WWOX: variants seen among roughly 807,000 people sequenced by gnomAD.
WWOX encodes WW domain-containing oxidoreductase.
A neutral mutation model predicts 46.2 loss-of-function variants in WWOX; 69 were observed. The observed-to-expected ratio is 1.49, with a 90% CI of 1.23 to 1.82. WWOX has a LOEUF of 1.82. WWOX is among the 40% of genes most tolerant of loss of function. The pLI, the probability that WWOX is intolerant of heterozygous loss-of-function variation, is 0.00. For synonymous variants in WWOX, 359 were observed against 202.6 expected, an observed-to-expected ratio of 1.77 and a Z score of -6.56; for missense variants, 919 against 542.6, an observed-to-expected ratio of 1.69 and a Z score of -6.89.
At chr16:78,312,202 C>T (rs1004341330) in intron 5 of WWOX, among the ~76,000 whole-genome samples, 2 of 152,102 alleles carry the variant, frequency 1.3e-5, no homozygotes, top group African/African-American at 4.8e-5. Context: ...CTAATTCTAT[C>T]TGCAACCTTA....
chr16:79,176,207 A>G (rs1158689072), intron 8 of WWOX, among the ~76,000 whole-genome samples: 1 of 152,204 alleles, frequency 6.6e-6, no homozygotes, highest in Non-Finnish European at 1.5e-5. Flanking sequence ...GATTTCTAAC[A>G]CAGAAAGCAA....
chr16:78,216,401 G>A (rs1294209760), intron 5 of WWOX, among the ~76,000 whole-genome samples: 1 of 152,170 alleles, frequency 6.6e-6, no homozygotes, highest in Non-Finnish European at 1.5e-5. Flanking sequence ...TATCACCAGT[G>A]TAGCACCTAA....
chr16:78,937,250 G>A (rs964875379), intron 8 of WWOX, among the ~76,000 whole-genome samples: 4 of 152,054 alleles, frequency 2.6e-5, no homozygotes, highest in African/African-American at 9.7e-5. Context: ...AAATTTACCT[G>A]AAAGTGACCC....
At position 78,803,307 on chromosome 16, in the gene WWOX, GTATT is replaced by G. The variant is rs1303581834; in HGVS notation, c.1056+370561_1056+370564del. 3.3e-5 allele frequency among the ~76,000 whole-genome samples: 5 copies of G among 151,964 alleles called. No homozygotes were observed. In the East Asian group the frequency reaches 7.8e-4, roughly 24 times the overall value. ...TGTGTTATTGTAGTGGCTTCGCAGA[GTATT>G]TATTTGGCCAGAAAGTCTATAGTCA... On this transcript the variant is annotated intron_variant, in intron 8 of 8. Coordinates refer to ENST00000566780, the MANE Select transcript of WWOX (RefSeq NM_016373.4).
intron 8 of WWOX, among the ~76,000 whole-genome samples, chr16:78,707,774 T>C (rs1360195754): frequency 6.6e-6 from 1 of 151,498 alleles, no homozygotes. Flanking sequence ...TCCCAGCTAG[T>C]TGGGAGGCTG....
chr16:78,910,864 A>T (rs2045091832), intron 8 of WWOX, among the ~76,000 whole-genome samples: 1 of 152,024 alleles, frequency 6.6e-6, no homozygotes, highest in African/African-American at 2.4e-5. Flanking sequence ...ATTCAAGATG[A>T]GATTTGGGTG....
At chr16:78,129,824 G>A (rs1390837742) in intron 4 of WWOX, among the ~76,000 whole-genome samples, 1 of 151,680 alleles carries the variant, frequency 6.6e-6, no homozygotes, top group Admixed American at 6.6e-5. Flanking sequence ...AAATGTTTAT[G>A]TCTTCCCCAA....
chr16:78,415,789 C>T (rs974229819), intron 6 of WWOX, among the ~76,000 whole-genome samples: 1 of 152,070 alleles, frequency 6.6e-6, no homozygotes. Context: ...GAATCTTGGC[C>T]CATTGTCACT....
intron 8 of WWOX, among the ~76,000 whole-genome samples, chr16:78,830,066 T>G (rs2051773678): frequency 6.6e-6 from 1 of 151,902 alleles, no homozygotes; most frequent in Non-Finnish European, 1.5e-5. Context: ...AAGACCAGCC[T>G]GGGTAACATA....
chr16:78,625,179 C>T (rs904248222), intron 8 of WWOX, among the ~76,000 whole-genome samples: 5 of 152,208 alleles, frequency 3.3e-5, no homozygotes, highest in Non-Finnish European at 5.9e-5. Context: ...GATCCTTTGA[C>T]AACTCAGCTT....
chr16:78,369,631 A>G (rs891672172), intron 5 of WWOX, among the ~76,000 whole-genome samples: 1 of 151,884 alleles, frequency 6.6e-6, no homozygotes, highest in Non-Finnish European at 1.5e-5. Context: ...AAACATTTTC[A>G]TTACATACTG....
Position 78,262,109 on chromosome 16 carries a change from A to AT in WWOX, c.516+97820_516+97821insT, listed in dbSNP as rs1223585349. Among the ~76,000 whole-genome samples, 39 of 150,280 alleles carry AT rather than the reference A, an allele frequency of 2.6e-4. 1 individual carries two copies. The highest frequency in any genetic ancestry group is 8.3e-4 in the African/African-American group (34 of 41,034). On this transcript the variant is annotated intron_variant, in intron 5 of 8. Transcript: ENST00000566780. ...AATGAAACTCTGTCAAAAAAAAAAA[A>AT]AAAAAAAAAAGAAGGAAAGAGGGAA...
intron 4 of WWOX, among the ~76,000 whole-genome samples, chr16:78,122,727 C>T (rs936558806): frequency 6.6e-6 from 1 of 151,914 alleles, no homozygotes; most frequent in Non-Finnish European, 1.5e-5. Context: ...GCCTCAGCCT[C>T]CTGAATAGCT....
At chr16:78,380,637 T>C (rs531319738) in intron 5 of WWOX, among the ~76,000 whole-genome samples, 1 of 152,220 alleles carries the variant, frequency 6.6e-6, no homozygotes, top group South Asian at 2.1e-4. Context: ...ATAATCACAA[T>C]ATAAGGATCT....
intron 8 of WWOX, among the ~76,000 whole-genome samples, chr16:78,584,021 G>C (rs1387452297): frequency 2.0e-5 from 3 of 152,200 alleles, no homozygotes; most frequent in Non-Finnish European, 2.9e-5. Flanking sequence ...TTACCATTCA[G>C]TGTGGCCCAG....
intron 8 of WWOX, among the ~76,000 whole-genome samples, chr16:78,987,890 C>A (rs1467292661): frequency 3.3e-5 from 5 of 152,138 alleles, no homozygotes; most frequent in Non-Finnish European, 7.3e-5. Context: ...CAACATGATT[C>A]CGGTGAAACC....
chr16:78,657,993 A>G (rs1461475656), intron 8 of WWOX, among the ~76,000 whole-genome samples: 3 of 152,008 alleles, frequency 2.0e-5, no homozygotes, highest in Non-Finnish European at 4.4e-5. Context: ...TTTTCACTTT[A>G]TCCTGGAGTT....
intron 2 of WWOX, 110 bp downstream of exon 2, chr16:78,108,597 A>G: frequency 8.3e-7 from 1 of 1,208,650 alleles, no homozygotes; most frequent in Non-Finnish European, 1.2e-6. Context: ...GCTCTCTGGT[A>G]GAGAACCAGA....
intron 8 of WWOX, among the ~76,000 whole-genome samples, chr16:78,786,500 G>A (rs1453244979): frequency 1.3e-5 from 2 of 152,138 alleles, no homozygotes; most frequent in South Asian, 4.1e-4. Flanking sequence ...TTTTTAGTAT[G>A]ATTTATTTAA....
Sources: gnomAD v4.1 joint callset for allele counts (sites outside exome capture counted in the v4.1 genomes callset) on GRCh38, gnomAD v4.1.1 for gene constraint, MANE v1.5 for transcripts, NCBI Gene and HGNC (gene_info 2026-07-23, HGNC 2026-07-21) for gene names.